Variants in LRRC49 observed in about 807,000 individuals in gnomAD.
LRRC49 encodes leucine rich repeat containing 49, also known as leucine-rich repeat-containing protein 49.
A neutral mutation model predicts 83.3 loss-of-function variants in LRRC49; 50 were observed. The ratio of observed to expected loss-of-function variants is 0.60; its 90% CI spans 0.48 to 0.76. The LOEUF (loss-of-function observed/expected upper bound fraction) is 0.76, where lower values mean the gene tolerates loss of function less well. Ranked by LOEUF, LRRC49 falls within the 30% of genes least tolerant of loss-of-function variation. The pLI is 0.00. For missense variants in LRRC49, 704 were observed against 809.1 expected, an observed-to-expected ratio of 0.87 and a Z score of 1.58; for synonymous variants, 286 against 283.3, an observed-to-expected ratio of 1.01 and a Z score of -0.10.
At chr15:71,043,878 A>G (rs962114757) in intron 15 of LRRC49, among the ~76,000 whole-genome samples, 1 of 152,224 alleles carries the variant, frequency 6.6e-6, no homozygotes. Context: ...AATTTTTGTT[A>G]TCCCTAAATT....
chr15:70,982,115 G>A (rs1189786464), intron 10 of LRRC49, among the ~76,000 whole-genome samples: 4 of 151,684 alleles, frequency 2.6e-5, no homozygotes, highest in Non-Finnish European at 5.9e-5. Context: ...CACTAATATA[G>A]GAAAACGTTT....
At chr15:70,882,560 A>G (rs138467583) in intron 2 of LRRC49, 32 of 1,613,808 alleles carry the variant, frequency 2.0e-5, no homozygotes, top group African/African-American at 2.7e-5. Context: ...GTAAATGTCA[A>G]AGAGAGAGGA....
Position 70,904,668 on chromosome 15 carries a change from C to T in LRRC49, c.413C>T (p.Ser138Leu), listed in dbSNP as rs377618599. The T allele has an allele frequency of 8.2e-5, 133 of 1,612,510 alleles. No homozygotes were observed. Among genetic ancestry groups the T allele is most frequent in the Non-Finnish European group, 1.1e-4 (126 of 1,178,762 alleles). The change falls in exon 5 of 16, where the codon TCG becomes TTG. Residue 138 changes from serine to leucine, a missense_variant. This residue lies in a region of LRRC49 where 261 missense variants were observed against 330.5 expected (regional missense o/e 0.79). Coordinates refer to ENST00000260382, the MANE Select transcript of LRRC49 (RefSeq NM_017691.5). ...ATTTCTAATCTACAGAAGTTAATATCGTTGGATTTATATGATAACCAGATT... is the reference window on the plus strand; with the variant it reads ...ATTTCTAATCTACAGAAGTTAATATTGTTGGATTTATATGATAACCAGATT... ...QNISNLQKLI[S>L]LDLYDNQIEE...
intron 11 of LRRC49, among the ~76,000 whole-genome samples, chr15:71,004,543 G>A (rs549480356): frequency 1.4e-3 from 210 of 152,016 alleles, no homozygotes; most frequent in African/African-American, 4.8e-3. Flanking sequence ...CCAGCTACTC[G>A]GGAGGCTGAG....
intron 14 of LRRC49, among the ~76,000 whole-genome samples, chr15:71,020,806 C>T (rs1403231003): frequency 6.6e-6 from 1 of 152,074 alleles, no homozygotes; most frequent in African/African-American, 2.4e-5. Flanking sequence ...AGTATTCTTA[C>T]ACTAAAAGAA....
At chr15:70,967,284 TG>T (rs1415051757) in intron 9 of LRRC49, among the ~76,000 whole-genome samples, 1 of 152,148 alleles carries the variant, frequency 6.6e-6, no homozygotes, top group Non-Finnish European at 1.5e-5. Context: ...TTTAGATTTT[TG>T]TCTTGGACAT....
intron 2 of LRRC49, among the ~76,000 whole-genome samples, chr15:70,876,529 A>G (rs1391934051): frequency 6.6e-6 from 1 of 152,160 alleles, no homozygotes; most frequent in South Asian, 2.1e-4. Flanking sequence ...GGGTCAGGGT[A>G]GGTTTCTCAG....
At chr15:71,022,383 C>CA (rs1295281698) in intron 14 of LRRC49, among the ~76,000 whole-genome samples, 2 of 151,366 alleles carry the variant, frequency 1.3e-5, no homozygotes, top group East Asian at 3.9e-4. Flanking sequence ...CAAAAAAAAC[C>CA]AAAAAAATAA....
intron 14 of LRRC49, among the ~76,000 whole-genome samples, chr15:71,020,796 A>C (rs1324375670): frequency 1.3e-5 from 2 of 152,260 alleles, no homozygotes. Context: ...AATTCCCATT[A>C]GTATTCTTAC....
intron 2 of LRRC49, among the ~76,000 whole-genome samples, chr15:70,880,353 G>C (rs1322993876): frequency 6.6e-6 from 1 of 152,066 alleles, no homozygotes; most frequent in Non-Finnish European, 1.5e-5. Context: ...CCCACCAAAA[G>C]GTAAGCGCCA....
At chr15:70,988,777 G>T (rs1025413055) in intron 11 of LRRC49, among the ~76,000 whole-genome samples, 4 of 152,110 alleles carry the variant, frequency 2.6e-5, no homozygotes, top group Non-Finnish European at 4.4e-5. Context: ...GCTGGTACCG[G>T]TTGTTCCTTT....
chr15:70,892,671 A>T, upstream of LRRC49: 1 of 1,449,036 alleles, frequency 6.9e-7, no homozygotes, highest in Non-Finnish European at 9.0e-7. Flanking sequence ...CTGGGAAAAT[A>T]GAACGAGGAA....
At chr15:70,952,037 A>G (rs959967020) in intron 8 of LRRC49, among the ~76,000 whole-genome samples, 4 of 152,056 alleles carry the variant, frequency 2.6e-5, no homozygotes, top group Admixed American at 2.6e-4. Context: ...GGTTTTTATT[A>G]TGAATTCAGT....
chr15:70,853,977 C>T (rs2032570946), intron 1 of LRRC49: 1 of 1,462,154 alleles, frequency 6.8e-7, no homozygotes, highest in Non-Finnish European at 9.1e-7. Flanking sequence ...CGAGTCTCCG[C>T]CCCCTCCTCC....
intron 1 of LRRC49, chr15:70,860,227 G>A (rs1009585971): frequency 1.5e-4 from 94 of 622,164 alleles, no homozygotes; most frequent in East Asian, 9.6e-4. Context: ...GGAGGAGGCC[G>A]CTGTGCATGG....
In LRRC49 at chr15:70,963,899, G is replaced by A. The variant is rs1223273881; in HGVS notation, c.888G>A (p.Met296Ile). 1 of 1,613,362 alleles carries A rather than the reference G, an allele frequency of 6.2e-7. No homozygotes were observed. Among genetic ancestry groups the A allele is most frequent in the East Asian group, 2.2e-5 (1 of 44,856 alleles). Reference sequence around the variant, plus strand: ...AACACACTGTCCTTCAGAATATGATGCAGCTGCGCCAGCTAGATATGAAGA... The same window carrying A: ...AACACACTGTCCTTCAGAATATGATACAGCTGCGCCAGCTAGATATGAAGA... ...WYKHTVLQNMMQLRQLDMKRI... is the reference protein window; with the variant it reads ...WYKHTVLQNMIQLRQLDMKRI... The change falls in exon 9 of 16, where the codon ATG becomes ATA. Residue 296 changes from methionine (M) to isoleucine (I), a missense_variant. Coordinates refer to ENST00000260382, the MANE Select transcript of LRRC49 (RefSeq NM_017691.5).
At chr15:71,045,091 T>C (rs1197282736) in intron 15 of LRRC49, among the ~76,000 whole-genome samples, 1 of 151,838 alleles carries the variant, frequency 6.6e-6, no homozygotes, top group African/African-American at 2.4e-5. Context: ...AGACGGGGCT[T>C]CACCATGTTA....
chr15:70,865,419 T>G (rs1189085847), intron 1 of LRRC49, among the ~76,000 whole-genome samples: 2 of 152,198 alleles, frequency 1.3e-5, no homozygotes, highest in Admixed American at 1.3e-4. Flanking sequence ...ACAAAACTGT[T>G]GATAGTTCCG....
intron 14 of LRRC49, among the ~76,000 whole-genome samples, chr15:71,031,007 A>G (rs1454408196): frequency 6.6e-6 from 1 of 152,120 alleles, no homozygotes; most frequent in African/African-American, 2.4e-5. Context: ...TACTTCTGTC[A>G]AATTGTCAAT....
Sources: gnomAD v4.1 joint callset for allele counts (sites outside exome capture counted in the v4.1 genomes callset) on GRCh38, gnomAD v4.1.1 for gene constraint, gnomAD v4.1.1 regional missense constraint, MANE v1.5 for transcripts, NCBI Gene and HGNC (gene_info 2026-07-23, HGNC 2026-07-21) for gene names.